The following PPFIA2 variants were observed in gnomAD, a reference collection of about 807,000 sequenced individuals.
The protein encoded by PPFIA2 is liprin-alpha-2.
Under a neutral mutation model 175.5 loss-of-function variants are expected in PPFIA2, and 46 were observed. The ratio of observed to expected loss-of-function variants is 0.26; its 90% confidence interval spans 0.21 to 0.34. The LOEUF is 0.34. Ranked by LOEUF, PPFIA2 falls within the 10% of genes least tolerant of loss-of-function variation. PPFIA2 has a pLI of 1.00. For synonymous variants in PPFIA2, 568 were observed against 511.4 expected (o/e 1.11, Z -1.49); for missense variants, 1,179 against 1,506.1 (o/e 0.78, Z 3.60).
At chr12:81,270,983 G>A (rs1429848377) in intron 28 of PPFIA2, 1 of 152,050 alleles carries the variant, frequency 6.6e-6, no homozygotes, top group Non-Finnish European at 1.5e-5. Flanking sequence ...TTTATATTCT[G>A]ATATTAGAAG....
At chr12:81,619,441 G>A (rs1006210836) in intron 4 of PPFIA2, among the ~76,000 whole-genome samples, 1 of 152,100 alleles carries the variant, frequency 6.6e-6, no homozygotes, top group African/African-American at 2.4e-5. Context: ...TTTCAAAAAT[G>A]TGCCCATTCA....
intron 4 of PPFIA2, among the ~76,000 whole-genome samples, chr12:81,654,899 T>G (rs1231494688): frequency 2.6e-5 from 4 of 152,150 alleles, no homozygotes; most frequent in African/African-American, 9.6e-5. Flanking sequence ...TATAATTCCT[T>G]CCTTAAATGA....
At chr12:81,717,797 G>A (rs537904258) in intron 3 of PPFIA2, among the ~76,000 whole-genome samples, 1 of 151,792 alleles carries the variant, frequency 6.6e-6, no homozygotes, top group South Asian at 2.1e-4. Flanking sequence ...GTGGATTCTT[G>A]TATATGTGAT....
chr12:81,704,095 G>A (rs1307738619), intron 3 of PPFIA2, among the ~76,000 whole-genome samples: 2 of 152,124 alleles, frequency 1.3e-5, no homozygotes, highest in African/African-American at 4.8e-5. Flanking sequence ...ACTAAGGGAT[G>A]CTTAGTTCTA....
In PPFIA2 at chr12:81,469,624, A is replaced by G. The variant is rs537092966; in HGVS notation, c.304-11758T>C. 5.3e-5 allele frequency among the ~76,000 whole-genome samples: 8 copies of G among 152,376 alleles called. No individual in the cohort carries two copies. The South Asian group carries it at 1.7e-3, about 32-fold the overall frequency. The stretch of plus-strand genomic sequence containing the variant: ...CATACTAAACCTATAAAATTCTTAC[A>G]GAAATACATAGAGGTAAATCTTTGC... On this transcript the variant is annotated intron_variant, in intron 4 of 32. Coordinates refer to ENST00000549396, the MANE Select transcript of PPFIA2 (RefSeq NM_003625.5).
intron 5 of PPFIA2, among the ~76,000 whole-genome samples, chr12:81,447,327 T>C (rs2051479365): frequency 6.6e-6 from 1 of 152,160 alleles, no homozygotes; most frequent in Non-Finnish European, 1.5e-5. Context: ...AACTTAATAA[T>C]GTCTGTTTTT....
At chr12:81,435,350 GC>G (rs1428944660) in intron 7 of PPFIA2, among the ~76,000 whole-genome samples, 1 of 152,206 alleles carries the variant, frequency 6.6e-6, no homozygotes, top group East Asian at 1.9e-4. Flanking sequence ...CTGTGGCAAT[GC>G]CAAAGGGATG....
chr12:81,259,236 C>G lies in PPFIA2; in HGVS notation c.*458G>C. On this transcript the variant is annotated 3_prime_UTR_variant, in exon 33 of 33. Coordinates refer to ENST00000549396, the MANE Select transcript of PPFIA2 (RefSeq NM_003625.5). ...GTGGAATGGTAAAATACAAACAGTA[C>G]TTGGAATTGTCAAATGTTTGCACTC... is the stretch of plus-strand genomic sequence containing the variant. The G allele has an allele frequency of 1.1e-5, 3 of 267,956 alleles. No individual in the cohort carries two copies. The highest frequency in any genetic ancestry group is 3.8e-5 in the South Asian group (1 of 26,310). The allele number at this position is 267,956 out of a possible 1,614,324, so 16.6% of individuals were successfully genotyped here.
intron 3 of PPFIA2, among the ~76,000 whole-genome samples, chr12:81,694,370 C>T (rs1190403964): frequency 2.6e-5 from 4 of 152,122 alleles, no homozygotes; most frequent in Non-Finnish European, 5.9e-5. Context: ...GTGCAGCCTT[C>T]TTGGCATCCT....
intron 7 of PPFIA2, among the ~76,000 whole-genome samples, chr12:81,438,039 A>C (rs2049412400): frequency 6.6e-6 from 1 of 152,218 alleles, no homozygotes; most frequent in Non-Finnish European, 1.5e-5. Flanking sequence ...TATGGTTTTA[A>C]CACTACTAGC....
intron 4 of PPFIA2, among the ~76,000 whole-genome samples, chr12:81,614,424 G>T (rs1036410360): frequency 6.6e-6 from 1 of 152,108 alleles, no homozygotes; most frequent in Non-Finnish European, 1.5e-5. Context: ...TACATGGGTA[G>T]CATGGAATCA....
chr12:81,677,545 C>A (rs1211991796), intron 3 of PPFIA2, among the ~76,000 whole-genome samples: 1 of 151,878 alleles, frequency 6.6e-6, no homozygotes. Context: ...TATTCACTAC[C>A]TCCATGAGAT....
chr12:81,682,458 G>A (rs538721543), intron 3 of PPFIA2, among the ~76,000 whole-genome samples: 7 of 152,048 alleles, frequency 4.6e-5, no homozygotes, highest in Admixed American at 3.9e-4. Context: ...TGTAATTTGG[G>A]ACTAGTTTTT....
intron 4 of PPFIA2, among the ~76,000 whole-genome samples, chr12:81,462,570 GTATATATATATATACATATATATATATA>G (rs1555402455): frequency 1.3e-5 from 1 of 74,178 alleles, no homozygotes; most frequent in Non-Finnish European, 2.4e-5. Flanking sequence ...ATATATATGT[GTATATATATATATACATATATATATATA>G]TATATATATA....
chr12:81,716,592 C>T (rs180866866), intron 3 of PPFIA2, among the ~76,000 whole-genome samples: 9 of 150,796 alleles, frequency 6.0e-5, no homozygotes, highest in Admixed American at 4.0e-4. Flanking sequence ...ACACATAGGG[C>T]GTTCTCTTCA....
At chr12:81,394,890 C>T (rs1346166330) in intron 8 of PPFIA2, among the ~76,000 whole-genome samples, 1 of 151,514 alleles carries the variant, frequency 6.6e-6, no homozygotes, top group Non-Finnish European at 1.5e-5. Context: ...TCTTAGCAAA[C>T]TTGTAAATGA....
At chr12:81,654,660 G>C (rs1487466202) in intron 4 of PPFIA2, among the ~76,000 whole-genome samples, 1 of 152,060 alleles carries the variant, frequency 6.6e-6, no homozygotes, top group Non-Finnish European at 1.5e-5. Flanking sequence ...GTAAGCTCCA[G>C]ATCAGAAAGC....
intron 4 of PPFIA2, among the ~76,000 whole-genome samples, chr12:81,636,312 C>T (rs1231726866): frequency 7.1e-6 from 1 of 141,256 alleles, no homozygotes; most frequent in Non-Finnish European, 1.5e-5. Context: ...GTCGCCCAGG[C>T]TGGAGTGCAG....
intron 27 of PPFIA2, among the ~76,000 whole-genome samples, chr12:81,279,918 A>C (rs895444369): frequency 6.6e-6 from 1 of 152,142 alleles, no homozygotes; most frequent in African/African-American, 2.4e-5. Flanking sequence ...TAGGATCTAC[A>C]TCTGTGTTAA....
Sources: gnomAD v4.1 joint callset for allele counts (sites outside exome capture counted in the v4.1 genomes callset) on GRCh38, gnomAD v4.1.1 for gene constraint, MANE v1.5 for transcripts, NCBI Gene and HGNC (gene_info 2026-07-23, HGNC 2026-07-21) for gene names.